WDFY2: variants seen among roughly 807,000 people sequenced by gnomAD.
The protein encoded by WDFY2 is WD repeat and FYVE domain-containing protein 2.
Under a neutral mutation model 56.4 loss-of-function variants are expected in WDFY2, and 36 were observed. The observed-to-expected ratio is 0.64, with a 90% CI of 0.49 to 0.84. The LOEUF (loss-of-function observed/expected upper bound fraction) is 0.84, where lower values mean the gene tolerates loss of function less well. Among genes scored for constraint, WDFY2 ranks in the 40% least tolerant of loss-of-function variants. WDFY2 has a pLI of 0.00. For synonymous variants in WDFY2, 176 were observed against 183.7 expected, an observed-to-expected ratio of 0.96 and a Z score of 0.34; for missense variants, 444 against 512.2, an observed-to-expected ratio of 0.87 and a Z score of 1.29.
chr13:51,663,654 T>G (rs1183760232), intron 2 of WDFY2, among the ~76,000 whole-genome samples: 4 of 152,336 alleles, frequency 2.6e-5, no homozygotes, highest in African/African-American at 9.6e-5. Context: ...AAGCTACATT[T>G]CAATCAGTTA....
chr13:51,657,160 A>G (rs985906405), intron 1 of WDFY2, among the ~76,000 whole-genome samples: 3 of 151,894 alleles, frequency 2.0e-5, no homozygotes, highest in Non-Finnish European at 4.4e-5. Context: ...TCTAGTTTGA[A>G]TTGATATCAA....
chr13:51,737,889 G>C (rs1314011683), intron 6 of WDFY2, among the ~76,000 whole-genome samples: 5 of 152,210 alleles, frequency 3.3e-5, no homozygotes, highest in African/African-American at 1.2e-4. Context: ...GTGTATACCA[G>C]CAGCATGGGG....
At chr13:51,716,816 A>C (rs1428812916) in intron 4 of WDFY2, among the ~76,000 whole-genome samples, 1 of 151,744 alleles carries the variant, frequency 6.6e-6, no homozygotes, top group East Asian at 1.9e-4. Flanking sequence ...CCCCAACCAT[A>C]TATTAAAAAG....
chr13:51,761,672 G>GGAA lies in WDFY2; in HGVS notation c.*1905_*1907dup, dbSNP rs1338593081. 1 of 152,208 alleles carries GGAA rather than the reference G, an allele frequency of 6.6e-6. No homozygotes were observed. The highest frequency in any genetic ancestry group is 2.4e-5 in the African/African-American group (1 of 41,438). 9.4% of individuals were successfully genotyped at this position (152,208 alleles called of 1,614,324 possible). On this transcript the variant is annotated 3_prime_UTR_variant, in exon 12 of 12. Transcript: ENST00000298125. The stretch of plus-strand genomic sequence containing the variant: ...TCATTCATTACTTCTCTAACTAGGG[G>GGAA]GAAGTACTACAAGCTGTCCTCAGGT...
chr13:51,738,621 T>C (rs1866115915), intron 6 of WDFY2, among the ~76,000 whole-genome samples: 4 of 152,218 alleles, frequency 2.6e-5, no homozygotes, highest in Admixed American at 2.6e-4. Flanking sequence ...TTAAATCTGA[T>C]ATTCAAGAAT....
chr13:51,732,163 C>T (rs749547726), intron 6 of WDFY2, among the ~76,000 whole-genome samples: 17 of 152,092 alleles, frequency 1.1e-4, no homozygotes, highest in Non-Finnish European at 2.2e-4. Flanking sequence ...CAGAATCTCG[C>T]TCTGTCGTCC....
chr13:51,692,837 G>A (rs1951773954), intron 3 of WDFY2, among the ~76,000 whole-genome samples: 3 of 152,236 alleles, frequency 2.0e-5, no homozygotes, highest in South Asian at 2.1e-4. Flanking sequence ...ATTCTTTTTG[G>A]TTGGTAAGCT....
intron 1 of WDFY2, among the ~76,000 whole-genome samples, chr13:51,642,922 C>CA (rs1955198262): frequency 6.6e-6 from 1 of 152,124 alleles, no homozygotes; most frequent in South Asian, 2.1e-4. Context: ...GTGATCCGCT[C>CA]ACCTTGGCCT....
chr13:51,689,201 T>C (rs1956108274), intron 3 of WDFY2, among the ~76,000 whole-genome samples: 1 of 152,178 alleles, frequency 6.6e-6, no homozygotes, highest in African/African-American at 2.4e-5. Context: ...ATATGGTTAC[T>C]TGCAGTCAGT....
intron 3 of WDFY2, among the ~76,000 whole-genome samples, chr13:51,682,018 T>G (rs1040696610): frequency 6.6e-6 from 1 of 152,156 alleles, no homozygotes; most frequent in African/African-American, 2.4e-5. Flanking sequence ...TGAGATTAAT[T>G]TGTTGCACTT....
intron 3 of WDFY2, among the ~76,000 whole-genome samples, chr13:51,692,138 A>G (rs1289663028): frequency 1.3e-5 from 2 of 152,222 alleles, no homozygotes; most frequent in African/African-American, 2.4e-5. Flanking sequence ...GTCATCTGCA[A>G]ACAGGGACAA....
intron 1 of WDFY2, among the ~76,000 whole-genome samples, chr13:51,597,055 A>C (rs1265527347): frequency 6.6e-6 from 1 of 152,150 alleles, no homozygotes; most frequent in Non-Finnish European, 1.5e-5. Flanking sequence ...ATATTTCTCC[A>C]GTGTGTGGTC....
chr13:51,650,392 T>C (rs1955351766), intron 1 of WDFY2, among the ~76,000 whole-genome samples: 1 of 152,204 alleles, frequency 6.6e-6, no homozygotes, highest in Admixed American at 6.5e-5. Context: ...TTTTCCTAAT[T>C]GAATACCCTT....
rs567437394 is a variant in WDFY2, at chr13:51,764,098, G to A, written c.*4329G>A. 2.6e-5 allele frequency: 4 copies of A among 152,266 alleles called. No individual in the cohort carries two copies. In the South Asian group the frequency reaches 8.3e-4, roughly 32 times the overall value. 9.4% of individuals were successfully genotyped at this position (152,266 alleles called of 1,614,324 possible). ...AAGACAGATATTTATTAACTTGATT[G>A]GAAAACACAGAAATTAAGATCATGT... On this transcript the variant is annotated 3_prime_UTR_variant, in exon 12 of 12. Transcript: ENST00000298125.
intron 1 of WDFY2, among the ~76,000 whole-genome samples, chr13:51,616,148 G>T (rs1354589365): frequency 6.6e-6 from 1 of 152,142 alleles, no homozygotes; most frequent in African/African-American, 2.4e-5. Context: ...GAGGTGGGGG[G>T]ATTGCTTGAA....
chr13:51,618,957 T>C (rs1459379269), intron 1 of WDFY2, among the ~76,000 whole-genome samples: 1 of 152,234 alleles, frequency 6.6e-6, no homozygotes, highest in Non-Finnish European at 1.5e-5. Context: ...CATCCACCTT[T>C]GCTAAGGCTA....
chr13:51,681,419 CTG>C (rs1238848390), intron 3 of WDFY2, among the ~76,000 whole-genome samples: 1 of 152,118 alleles, frequency 6.6e-6, no homozygotes, highest in Non-Finnish European at 1.5e-5. Flanking sequence ...TCAGGAAGCT[CTG>C]TGTTCAGAGA....
intron 2 of WDFY2, among the ~76,000 whole-genome samples, chr13:51,666,788 T>C (rs981034123): frequency 1.3e-5 from 2 of 152,238 alleles, no homozygotes; most frequent in South Asian, 4.1e-4. Flanking sequence ...TTATTGGTTT[T>C]ATTGTATCTG....
intron 1 of WDFY2, among the ~76,000 whole-genome samples, chr13:51,599,921 C>A (rs1452138282): frequency 6.6e-6 from 1 of 151,596 alleles, no homozygotes; most frequent in Non-Finnish European, 1.5e-5. Flanking sequence ...AACAAAAAAA[C>A]CAAAAAACCA....
Sources: gnomAD v4.1 joint callset for allele counts (sites outside exome capture counted in the v4.1 genomes callset) on GRCh38, gnomAD v4.1.1 for gene constraint, MANE v1.5 for transcripts, NCBI Gene and HGNC (gene_info 2026-07-23, HGNC 2026-07-21) for gene names.